The following ST3GAL3 variants were observed in gnomAD, a reference collection of about 807,000 sequenced individuals.
The protein encoded by ST3GAL3 is ST3 beta-galactoside alpha-2,3-sialyltransferase 3, also known as CMP-N-acetylneuraminate-beta-1,4-galactoside alpha-2,3-sialyltransferase.
Under a neutral mutation model 50.1 loss-of-function variants are expected in ST3GAL3, and 21 were observed. The observed-to-expected ratio is 0.42, with a 90% CI of 0.30 to 0.60. The LOEUF is 0.60. ST3GAL3 is among the 20% of genes least tolerant of loss of function. The pLI, the probability that ST3GAL3 is intolerant of heterozygous loss-of-function variation, is 0.19. For synonymous variants in ST3GAL3, 183 were observed against 190.0 expected (o/e 0.96, Z 0.30); for missense variants, 353 against 489.4 (o/e 0.72, Z 2.63).
intron 4 of ST3GAL3, among the ~76,000 whole-genome samples, chr1:43,834,066 C>A (rs2063925596): frequency 6.6e-6 from 1 of 152,114 alleles, no homozygotes. Flanking sequence ...GAGGCTGAGG[C>A]AGGAGAATCA....
rs557971540 is a variant in ST3GAL3, at chr1:43,930,053, C to T, written c.1039-79C>T. 4.3e-4 allele frequency: 517 copies of T among 1,215,150 alleles called. 2 individuals carry two copies. The highest frequency in any genetic ancestry group is 5.7e-4 in the Non-Finnish European group (470 of 819,942). 75.3% of individuals were successfully genotyped at this position (1,215,150 alleles called of 1,614,324 possible). A position where few individuals can be genotyped will look rare whatever the true frequency, so the allele number is the denominator to read the frequency against. On this transcript the variant is annotated intron_variant, in intron 11 of 11. Coordinates refer to ENST00000347631, the MANE Select transcript of ST3GAL3 (RefSeq NM_006279.5). ...GTCACGGAGTATTGGAGAGTGGTGA[C>T]GAAGAAGGCACCGAGCCCTGGAAGG...
At chr1:43,717,223 G>T (rs1239409734) in intron 1 of ST3GAL3, among the ~76,000 whole-genome samples, 1 of 152,138 alleles carries the variant, frequency 6.6e-6, no homozygotes, top group Non-Finnish European at 1.5e-5. Flanking sequence ...CTCCTTGAGG[G>T]CAGGCACCAC....
At chr1:43,889,179 A>G (rs1457946004) in intron 5 of ST3GAL3, among the ~76,000 whole-genome samples, 4 of 147,924 alleles carry the variant, frequency 2.7e-5, no homozygotes, top group South Asian at 2.2e-4. Context: ...TTACATTTTT[A>G]GTGAATAAAG....
At chr1:43,898,156 C>T (rs2077663854) in intron 6 of ST3GAL3, 79 bp from the exon 7 acceptor site, 2 of 1,499,908 alleles carry the variant, frequency 1.3e-6, no homozygotes, top group East Asian at 4.5e-5. Flanking sequence ...GGACTTGTGT[C>T]TTCCAGTAGG....
At chr1:43,876,173 A>C (rs1250300360) in intron 5 of ST3GAL3, among the ~76,000 whole-genome samples, 1 of 152,010 alleles carries the variant, frequency 6.6e-6, no homozygotes, top group Non-Finnish European at 1.5e-5. Context: ...CATGTTGCTC[A>C]GGCTGATCTC....
chr1:43,879,495 G>A, intron 5 of ST3GAL3: 1 of 447,024 alleles, frequency 2.2e-6, no homozygotes. Context: ...TAGGGCCGTA[G>A]CAGTGGAGAG....
chr1:43,736,504 G>GCCAA, intron 2 of ST3GAL3, 124 bp downstream of exon 2: 2 of 1,578,312 alleles, frequency 1.3e-6, no homozygotes, highest in Non-Finnish European at 1.7e-6. Context: ...ACATTTCTGG[G>GCCAA]ACTTTGGCCT....
chr1:43,796,000 G>A (rs1422167087), intron 3 of ST3GAL3, among the ~76,000 whole-genome samples: 1 of 152,134 alleles, frequency 6.6e-6, no homozygotes, highest in Non-Finnish European at 1.5e-5. Context: ...TGGGAAAAGG[G>A]CTCCCAAGGC....
At chr1:43,880,915 A>C (rs2154255711) in intron 5 of ST3GAL3, among the ~76,000 whole-genome samples, 1 of 152,254 alleles carries the variant, frequency 6.6e-6, no homozygotes, top group South Asian at 2.1e-4. Flanking sequence ...TGCTATTATT[A>C]CTGTTGTTAT....
At chr1:43,768,191 T>G (rs1414758406) in intron 2 of ST3GAL3, among the ~76,000 whole-genome samples, 1 of 152,178 alleles carries the variant, frequency 6.6e-6, no homozygotes, top group Non-Finnish European at 1.5e-5. Context: ...TCCCAGCACT[T>G]TGAGAGGCCA....
At chr1:43,927,920 T>C (rs2084298032) in intron 11 of ST3GAL3, among the ~76,000 whole-genome samples, 1 of 152,016 alleles carries the variant, frequency 6.6e-6, no homozygotes, top group South Asian at 2.1e-4. Flanking sequence ...GGTCACCACT[T>C]GAGAGGGGGT....
chr1:43,806,980 T>C (rs1247016607), intron 3 of ST3GAL3, among the ~76,000 whole-genome samples: 1 of 152,164 alleles, frequency 6.6e-6, no homozygotes, highest in East Asian at 1.9e-4. Flanking sequence ...CGTCAGCCAC[T>C]GTGCCCGGTA....
chr1:43,795,174 C>T (rs2058547350), intron 3 of ST3GAL3, among the ~76,000 whole-genome samples: 1 of 152,214 alleles, frequency 6.6e-6, no homozygotes. Flanking sequence ...CCTCAGCCTC[C>T]ATCTCCCTTG....
intron 4 of ST3GAL3, chr1:43,824,777 T>C (rs2062570227): frequency 6.3e-7 from 1 of 1,599,122 alleles, no homozygotes. Flanking sequence ...TGACTGCATA[T>C]TGGAATCACC....
At chr1:43,842,067 A>G (rs1315114154) in intron 5 of ST3GAL3, 2 of 152,258 alleles carry the variant, frequency 1.3e-5, no homozygotes, top group Non-Finnish European at 2.9e-5. Context: ...AAGGCATAAC[A>G]TGTTATGACC....
At chr1:43,808,774 A>T (rs184826741) in intron 3 of ST3GAL3, among the ~76,000 whole-genome samples, 6 of 152,300 alleles carry the variant, frequency 3.9e-5, no homozygotes, top group Admixed American at 3.9e-4. Context: ...TCAGCTGATG[A>T]GTACATGTGG....
chr1:43,714,132 C>T (rs972468840), intron 1 of ST3GAL3, among the ~76,000 whole-genome samples: 3 of 151,580 alleles, frequency 2.0e-5, no homozygotes, highest in African/African-American at 7.3e-5. Context: ...GGCATGGTGG[C>T]AGGCGCCTGT....
At chr1:43,863,104 T>C (rs921911370) in intron 5 of ST3GAL3, among the ~76,000 whole-genome samples, 1 of 152,202 alleles carries the variant, frequency 6.6e-6, no homozygotes, top group Admixed American at 6.5e-5. Context: ...ACTGGGGAAA[T>C]GGTTTTAAAA....
intron 3 of ST3GAL3, among the ~76,000 whole-genome samples, chr1:43,794,069 G>C (rs2058404409): frequency 7.5e-6 from 1 of 133,504 alleles, no homozygotes; most frequent in South Asian, 2.4e-4. Flanking sequence ...GGGTGACACA[G>C]TGAGACCCTG....
Sources: allele counts gnomAD v4.1 joint callset (sites outside exome capture counted in the v4.1 genomes callset), GRCh38; gene constraint gnomAD v4.1.1; transcripts MANE v1.5; gene names NCBI Gene and HGNC (gene_info 2026-07-23, HGNC 2026-07-21).